The following SRPK1 variants were observed in gnomAD, a reference collection of about 807,000 sequenced individuals.
SRPK1 encodes SRSF protein kinase 1.
A neutral mutation model predicts 89.5 loss-of-function variants in SRPK1; 52 were observed. The ratio of observed to expected loss-of-function variants is 0.58; its 90% CI spans 0.46 to 0.73. SRPK1 has a LOEUF of 0.73. Ranked by LOEUF, SRPK1 falls within the 30% of genes least tolerant of loss-of-function variation. The pLI, the probability that SRPK1 is intolerant of heterozygous loss-of-function variation, is 0.00. For missense variants in SRPK1, 603 were observed against 780.6 expected, an observed-to-expected ratio of 0.77 and a Z score of 2.71; for synonymous variants, 255 against 270.2, an observed-to-expected ratio of 0.94 and a Z score of 0.55.
chr6:35,898,285 T>C (rs1770665127), intron 2 of SRPK1, among the ~76,000 whole-genome samples: 1 of 152,124 alleles, frequency 6.6e-6, no homozygotes, highest in African/African-American at 2.4e-5. Context: ...GAAAAGCAAA[T>C]ACTGTATGTT....
At chr6:35,868,941 T>C (rs1469582769) in intron 12 of SRPK1, 69 bp downstream of exon 12, 1 of 1,254,834 alleles carries the variant, frequency 8.0e-7, no homozygotes, top group East Asian at 2.4e-5. Context: ...ATGTTTTGCA[T>C]AACTAAGTCC....
chr6:35,889,962 GC>G (rs1770485041), intron 3 of SRPK1, among the ~76,000 whole-genome samples: 1 of 151,098 alleles, frequency 6.6e-6, no homozygotes, highest in African/African-American at 2.4e-5. Context: ...CAAAAAATTA[GC>G]CGGGTATGGT....
chr6:35,897,240 G>C (rs2127261280), intron 2 of SRPK1, among the ~76,000 whole-genome samples: 1 of 152,252 alleles, frequency 6.6e-6, no homozygotes, highest in African/African-American at 2.4e-5. Context: ...TAGAAAACTA[G>C]GTCCAAATAT....
At chr6:35,856,016 C>T (rs1193095003) in intron 13 of SRPK1, among the ~76,000 whole-genome samples, 1 of 152,164 alleles carries the variant, frequency 6.6e-6, no homozygotes, top group African/African-American at 2.4e-5. Flanking sequence ...CACGAGCCAC[C>T]GTGGCCAGCC....
intron 6 of SRPK1, among the ~76,000 whole-genome samples, chr6:35,875,819 A>G (rs550119529): frequency 1.3e-5 from 2 of 152,320 alleles, no homozygotes; most frequent in African/African-American, 4.8e-5. Context: ...ATTAATTACA[A>G]AAAGAACAAA....
At chr6:35,879,962 T>C (rs1770236502) in intron 6 of SRPK1, among the ~76,000 whole-genome samples, 2 of 151,246 alleles carry the variant, frequency 1.3e-5, no homozygotes, top group South Asian at 2.1e-4. Context: ...TCTGGAGGCT[T>C]AGGCAGGAGA....
chr6:35,920,910 C>G, intron 1 of SRPK1, 134 bp downstream of exon 1: 11 of 946,966 alleles, frequency 1.2e-5, no homozygotes, highest in Admixed American at 3.4e-5. Context: ...GGGTGTGGGG[C>G]GGCGCCACCT....
intron 2 of SRPK1, among the ~76,000 whole-genome samples, chr6:35,904,045 C>T (rs1044298494): frequency 4.0e-5 from 6 of 151,866 alleles, no homozygotes; most frequent in African/African-American, 1.5e-4. Flanking sequence ...CTTAAGTGAT[C>T]CTCCCACCTT....
intron 12 of SRPK1, among the ~76,000 whole-genome samples, chr6:35,866,524 T>C (rs924242661): frequency 1.3e-5 from 2 of 151,976 alleles, no homozygotes; most frequent in Non-Finnish European, 2.9e-5. Context: ...AGGCAGAGGC[T>C]GCAGTGAGCA....
At position 35,835,169 on chromosome 6, in the gene SRPK1, T is replaced by C. The variant is rs1769150593; in HGVS notation, c.*135A>G. 4 of 825,902 alleles carry C rather than the reference T, an allele frequency of 4.8e-6. No homozygotes were observed. The highest frequency in any genetic ancestry group is 7.3e-6 in the Non-Finnish European group (4 of 551,328). The allele number at this position is 825,902 out of a possible 1,614,324, so 51.2% of individuals were successfully genotyped here. Reference sequence around the variant, plus strand: ...TCAAGTAAGCAAACCCAAATGAACATGTTGGATTAAAAAAAAAACAAGATC... The same window carrying C: ...TCAAGTAAGCAAACCCAAATGAACACGTTGGATTAAAAAAAAAACAAGATC... On this transcript the variant is annotated 3_prime_UTR_variant, in exon 16 of 16. Coordinates refer to ENST00000373825, the MANE Select transcript of SRPK1 (RefSeq NM_003137.5).
Position 35,871,914 on chromosome 6 carries a change from T to A in SRPK1, c.751+649A>T, listed in dbSNP as rs535322090. 2.0e-5 allele frequency among the ~76,000 whole-genome samples: 3 copies of A among 152,084 alleles called. No homozygotes were observed. The South Asian group carries it at 6.2e-4, about 32-fold the overall frequency. Reference sequence around the variant, plus strand: ...CATCACTATGCCTGGCTAATTTTTTTAATTTTTGTAGAGACAGGGTCTTAC... The same window carrying A: ...CATCACTATGCCTGGCTAATTTTTTAAATTTTTGTAGAGACAGGGTCTTAC... On this transcript the variant is annotated intron_variant, in intron 8 of 15. Transcript: ENST00000373825.
intron 13 of SRPK1, among the ~76,000 whole-genome samples, chr6:35,846,556 C>CAAAAAAAAAAAAAAAAAAAAAAAAA (rs35150778): frequency 8.6e-6 from 1 of 116,506 alleles, no homozygotes; most frequent in African/African-American, 3.2e-5. Flanking sequence ...ACTGTGTCTC[C>CAAAAAAAAAAAAAAAAAAAAAAAAA]AAAAAAAAAA....
chr6:35,894,989 T>C (rs1770599923), intron 2 of SRPK1, among the ~76,000 whole-genome samples: 1 of 152,054 alleles, frequency 6.6e-6, no homozygotes. Flanking sequence ...TGAAATGCAT[T>C]TAATCTGACC....
At chr6:35,916,915 C>T (rs966971038) in intron 2 of SRPK1, among the ~76,000 whole-genome samples, 35 of 152,198 alleles carry the variant, frequency 2.3e-4, no homozygotes, top group African/African-American at 7.7e-4. Flanking sequence ...CAAAAATTAG[C>T]CGGGCGTGGT....
At chr6:35,859,437 C>T (rs111380911) in intron 12 of SRPK1, among the ~76,000 whole-genome samples, 192 of 152,266 alleles carry the variant, frequency 1.3e-3, no homozygotes, top group African/African-American at 4.5e-3. Flanking sequence ...CATCAGTGTA[C>T]TTCAGGGATT....
chr6:35,857,571 A>C (rs1769690794), intron 12 of SRPK1, among the ~76,000 whole-genome samples: 1 of 152,196 alleles, frequency 6.6e-6, no homozygotes, highest in African/African-American at 2.4e-5. Flanking sequence ...AATTATTTTT[A>C]CAAACAAATG....
intron 14 of SRPK1, among the ~76,000 whole-genome samples, chr6:35,841,723 T>C (rs1036352943): frequency 6.7e-6 from 1 of 150,238 alleles, no homozygotes; most frequent in Non-Finnish European, 1.5e-5. Flanking sequence ...TCCCAGCTAC[T>C]CGAGAGGCCG....
intron 4 of SRPK1, among the ~76,000 whole-genome samples, 190 bp from the exon 5 acceptor site, chr6:35,888,301 G>T (rs983174401): frequency 6.6e-6 from 1 of 152,096 alleles, no homozygotes; most frequent in African/African-American, 2.4e-5. Context: ...TTTATAGGAA[G>T]AATAAAAAAT....
At chr6:35,900,865 T>C (rs1770726572) in intron 2 of SRPK1, among the ~76,000 whole-genome samples, 1 of 152,072 alleles carries the variant, frequency 6.6e-6, no homozygotes, top group Non-Finnish European at 1.5e-5. Flanking sequence ...CTCTAAAGGA[T>C]GGATTAAAGC....
Sources: gnomAD v4.1 joint callset for allele counts (sites outside exome capture counted in the v4.1 genomes callset) on GRCh38, gnomAD v4.1.1 for gene constraint, MANE v1.5 for transcripts, NCBI Gene and HGNC (gene_info 2026-07-23, HGNC 2026-07-21) for gene names.